Variants in RNF19A observed in about 807,000 individuals in gnomAD.
RNF19A encodes the protein ring finger protein 19A, RBR E3 ubiquitin protein ligase.
A neutral mutation model predicts 75.7 loss-of-function variants in RNF19A; 32 were observed. The ratio of observed to expected loss-of-function variants is 0.42; its 90% CI spans 0.32 to 0.57. RNF19A has a LOEUF of 0.57. Ranked by LOEUF, RNF19A falls within the 20% of genes least tolerant of loss-of-function variation. The pLI, the probability that RNF19A is intolerant of heterozygous loss-of-function variation, is 0.10. For synonymous variants in RNF19A, 335 were observed against 345.2 expected (o/e 0.97, Z 0.33); for missense variants, 782 against 1,036.3 (o/e 0.75, Z 3.37).
chr8:100,315,062 C>T (rs1171413029), intron 1 of RNF19A, among the ~76,000 whole-genome samples: 3 of 152,148 alleles, frequency 2.0e-5, no homozygotes, highest in African/African-American at 7.2e-5. Context: ...GTAATCCCAG[C>T]ACTTTGGGAG....
chr8:100,297,113 T>A (rs529125965), intron 1 of RNF19A, among the ~76,000 whole-genome samples: 1 of 152,298 alleles, frequency 6.6e-6, no homozygotes, highest in African/African-American at 2.4e-5. Context: ...ACTGAAAAAA[T>A]TTTAAAGTTG....
Position 100,261,444 on chromosome 8 carries a change from G to T in RNF19A, c.1682+98C>A, listed in dbSNP as rs1351127475. On this transcript the variant is annotated intron_variant, in intron 8 of 9. Coordinates refer to ENST00000341084, the MANE Select transcript of RNF19A (RefSeq NM_183419.4). The surrounding 1 kb of genome is among the most constrained non-coding windows in gnomAD (Gnocchi z 4.4). The stretch of plus-strand genomic sequence containing the variant: ...ACTATTTTGAACCTTGACATAGTAG[G>T]GTTATATATAATCATCATGCTTTAT... 20 of 1,049,408 alleles carry T rather than the reference G, an allele frequency of 1.9e-5. No homozygotes were observed. The highest frequency in any genetic ancestry group is 2.9e-5 in the Non-Finnish European group (20 of 689,468). The allele number at this position is 1,049,408 out of a possible 1,614,324, so 65.0% of individuals were successfully genotyped here.
intron 1 of RNF19A, among the ~76,000 whole-genome samples, chr8:100,334,463 A>G (rs1822649437): frequency 6.6e-6 from 1 of 152,166 alleles, no homozygotes; most frequent in African/African-American, 2.4e-5. Context: ...CTCTCTTCTG[A>G]GTAGTGCTCA....
chr8:100,266,720 C>G (rs1295333582), intron 5 of RNF19A, among the ~76,000 whole-genome samples: 1 of 151,924 alleles, frequency 6.6e-6, no homozygotes, highest in East Asian at 1.9e-4. Context: ...ACTGTGTTGC[C>G]CAGGCTGGTC....
At position 100,261,569 on chromosome 8, in the gene RNF19A, C is replaced by T. The variant is rs1210521494; in HGVS notation, c.1655G>A (p.Gly552Glu). Residue 552 changes from glycine to glutamate, a missense_variant, in exon 8 of 10, where the codon GGA becomes GAA. This residue lies in a region of RNF19A where 442 missense variants were observed against 541.6 expected (regional missense o/e 0.82). Transcript: ENST00000341084. The surrounding 1 kb of genome is among the most constrained non-coding windows in gnomAD (Gnocchi z 4.4). ...AGASITGSLS[G>E]SAMVNCFNRL... ...GTTAAAACAGTTTACCATGGCACTT[C>T]CTGACAGACTCCCCGTTATACTGGC... 1 of 1,614,120 alleles carries T rather than the reference C, an allele frequency of 6.2e-7. No individual in the cohort carries two copies. Among genetic ancestry groups the T allele is most frequent in the Admixed American group, 1.7e-5 (1 of 60,020 alleles).
Position 100,258,110 on chromosome 8 carries a change from AC to A in RNF19A, c.*445del. 2.5e-6 allele frequency: 1 copy of A among 401,380 alleles called. No homozygotes were observed. Among genetic ancestry groups the A allele is most frequent in the Non-Finnish European group, 4.4e-6 (1 of 227,774 alleles). 24.9% of individuals were successfully genotyped at this position (401,380 alleles called of 1,614,324 possible). ...ATAGAAATGTTACAGAGTATCATAT[AC>A]TGAGAGTAACCTATGCAGTTCTTTT... On this transcript the variant is annotated 3_prime_UTR_variant, in exon 10 of 10. Coordinates refer to ENST00000341084, the MANE Select transcript of RNF19A (RefSeq NM_183419.4). The surrounding 1 kb of genome is among the most constrained non-coding windows in gnomAD (Gnocchi z 4.3).
At chr8:100,312,797 T>G (rs1022102327), upstream of RNF19A, among the ~76,000 whole-genome samples, 2 of 151,992 alleles carry the variant, frequency 1.3e-5, no homozygotes, top group South Asian at 2.1e-4. Flanking sequence ...GGTGGCACAC[T>G]CCTGTAATCC....
At chr8:100,321,966 G>C (rs1047116100) in intron 1 of RNF19A, among the ~76,000 whole-genome samples, 1 of 149,448 alleles carries the variant, frequency 6.7e-6, no homozygotes, top group Non-Finnish European at 1.5e-5. Flanking sequence ...TCTAGAGCAC[G>C]TGTAAAGGAG....
intron 1 of RNF19A, among the ~76,000 whole-genome samples, chr8:100,304,121 T>A (rs995307045): frequency 1.3e-5 from 2 of 151,784 alleles, no homozygotes; most frequent in African/African-American, 4.8e-5. Context: ...CATACCTAGG[T>A]AAATTTTTTT....
rs35177403 is a variant in RNF19A, at chr8:100,258,634, G to A, written c.2439C>T (p.Gly813=). The A allele has an allele frequency of 3.6e-4, 575 of 1,613,790 alleles. 2 individuals are homozygous for A. The African/African-American group carries it at 6.0e-3, about 17-fold the overall frequency. ...GIKPNVDLYF[G]DALKETNNNH... is the part of the protein sequence containing the mutation. ...TGTTATTTGTTTCTTTTAGTGCATC[G>A]CCAAAATATAAATCAACATTAGGTT... Residue 813 remains glycine, a synonymous_variant, in exon 10 of 10, where the codon GGC becomes GGT. Coordinates refer to ENST00000341084, the MANE Select transcript of RNF19A (RefSeq NM_183419.4). The surrounding 1 kb of genome is among the most constrained non-coding windows in gnomAD (Gnocchi z 4.3).
chr8:100,297,198 A>G (rs1821604450), intron 1 of RNF19A, among the ~76,000 whole-genome samples: 1 of 152,262 alleles, frequency 6.6e-6, no homozygotes, highest in South Asian at 2.1e-4. Flanking sequence ...AGATGAAGAC[A>G]TTTAATGCCC....
intron 2 of RNF19A, among the ~76,000 whole-genome samples, chr8:100,277,047 A>G (rs1162970619): frequency 2.0e-5 from 3 of 152,162 alleles, no homozygotes; most frequent in African/African-American, 7.2e-5. Context: ...CATTACCTCT[A>G]TAAAACTTTC....
At position 100,288,063 on chromosome 8, in the gene RNF19A, T is replaced by C. The variant is rs1204296637; in HGVS notation, c.112A>G (p.Met38Val). ...GACTGAAGATCTCGATCTGAACCCA[T>C]TTGCCGATGTAAACTCATGTCTAAA... ...SILDMSLHRQ[M>V]GSDRDLQSSA... is the part of the protein sequence containing the mutation. Residue 38 changes from methionine to valine, a missense_variant, in exon 2 of 10, where the codon ATG becomes GTG. This residue lies in a region of RNF19A where 148 missense variants were observed against 147.9 expected (regional missense o/e 1.00). Transcript: ENST00000341084. 1 of 1,614,158 alleles carries C rather than the reference T, an allele frequency of 6.2e-7. No homozygotes were observed. The highest frequency in any genetic ancestry group is 1.1e-5 in the South Asian group (1 of 91,086).
Position 100,288,821 on chromosome 8 carries a change from G to C in RNF19A, c.-93-554C>G, listed in dbSNP as rs914482996. Among the ~76,000 whole-genome samples, 3 of 152,156 alleles carry C rather than the reference G, an allele frequency of 2.0e-5. 1 individual carries two copies. The highest frequency in any genetic ancestry group is 7.2e-5 in the African/African-American group (3 of 41,436). ...CACGCCTGTAATCCCAGCACTTTGG[G>C]AGGCCAGGATGGGCGGATCACAAGT... On this transcript the variant is annotated intron_variant, in intron 1 of 9. Transcript: ENST00000341084.
In RNF19A at chr8:100,258,125, T is replaced by C. The variant is rs896027907; in HGVS notation, c.*431A>G. The C allele has an allele frequency of 1.2e-5, 5 of 403,560 alleles. No homozygotes were observed. Among genetic ancestry groups the C allele is most frequent in the African/African-American group, 2.1e-5 (1 of 48,624 alleles). The allele number at this position is 403,560 out of a possible 1,614,324, so 25.0% of individuals were successfully genotyped here. On this transcript the variant is annotated 3_prime_UTR_variant, in exon 10 of 10. Transcript: ENST00000341084. The surrounding 1 kb of genome is among the most constrained non-coding windows in gnomAD (Gnocchi z 4.3). ...AGTATCATATACTGAGAGTAACCTA[T>C]GCAGTTCTTTTAAACTTATCTCTTT...
chr8:100,272,401 TTAAAAG>T (rs1180457791), intron 3 of RNF19A, among the ~76,000 whole-genome samples: 23 of 152,248 alleles, frequency 1.5e-4, no homozygotes, highest in African/African-American at 5.3e-4. Flanking sequence ...CCAATTAATA[TTAAAAG>T]TAAAACTAGT....
rs1033409826 is a variant in RNF19A, at chr8:100,261,851, G to C, written c.1469-96C>G. The C allele has an allele frequency of 3.7e-5, 46 of 1,247,048 alleles. No homozygotes were observed. The highest frequency in any genetic ancestry group is 9.3e-6 in the Non-Finnish European group (8 of 858,640). 77.2% of individuals were successfully genotyped at this position (1,247,048 alleles called of 1,614,324 possible). A position where few individuals can be genotyped will look rare whatever the true frequency, so the allele number is the denominator to read the frequency against. On this transcript the variant is annotated intron_variant, in intron 7 of 9. Transcript: ENST00000341084. This position sits in a 1 kb window ranked among gnomAD's most constrained non-coding sequence, Gnocchi z 4.4. ...GATTTCAGAGAGGACATTATATAAG[G>C]TATAAAATATACGCAGACATGGAAA...
intron 1 of RNF19A, among the ~76,000 whole-genome samples, chr8:100,288,591 A>C (rs1313317684): frequency 6.6e-6 from 1 of 152,228 alleles, no homozygotes; most frequent in African/African-American, 2.4e-5. Context: ...ACCATCAAGT[A>C]TACATGCAAA....
chr8:100,296,022 ATAAAT>A lies in RNF19A; in HGVS notation c.-93-7760_-93-7756del, dbSNP rs141453602. 6.4e-3 allele frequency among the ~76,000 whole-genome samples: 968 copies of A among 152,332 alleles called. 7 individuals carry two copies. The highest frequency in any genetic ancestry group is 0.021 in the African/African-American group (879 of 41,574). Reference sequence around the variant, plus strand: ...TTAGAAATGTCATTATTTTCCTCTAATAAATTGATTCCCCAACATAACTACCAAAT... The same window carrying A: ...TTAGAAATGTCATTATTTTCCTCTAATGATTCCCCAACATAACTACCAAAT... On this transcript the variant is annotated intron_variant, in intron 1 of 9. Transcript: ENST00000341084.
Sources: allele counts gnomAD v4.1 joint callset (sites outside exome capture counted in the v4.1 genomes callset), GRCh38; gene constraint gnomAD v4.1.1; regional missense constraint gnomAD v4.1.1; non-coding constraint Gnocchi (gnomAD v3.1); transcripts MANE v1.5; gene names NCBI Gene and HGNC (gene_info 2026-07-23, HGNC 2026-07-21).